Variants in SRCIN1 observed in about 807,000 individuals in gnomAD.
SRCIN1 encodes the protein P130Cas-associated protein.
A neutral mutation model predicts 116.2 loss-of-function variants in SRCIN1; 50 were observed. The ratio of observed to expected loss-of-function variants is 0.43; its 90% confidence interval spans 0.34 to 0.54. The LOEUF (loss-of-function observed/expected upper bound fraction) is 0.54, where lower values mean the gene tolerates loss of function less well. Among genes scored for constraint, SRCIN1 ranks in the 20% least tolerant of loss-of-function variants. SRCIN1 has a pLI of 0.02. For synonymous variants in SRCIN1, 736 were observed against 750.0 expected, an observed-to-expected ratio of 0.98 and a Z score of 0.30; for missense variants, 1,446 against 1,672.0, an observed-to-expected ratio of 0.86 and a Z score of 2.36.
At position 38,552,598 on chromosome 17, in the gene SRCIN1, A is replaced by G; in HGVS notation, c.2333-4T>C. 2 of 1,612,492 alleles carry G rather than the reference A, an allele frequency of 1.2e-6. No homozygotes were observed. Among genetic ancestry groups the G allele is most frequent in the Non-Finnish European group, 1.7e-6 (2 of 1,179,634 alleles). On this transcript the variant is annotated splice_polypyrimidine_tract_variant and splice_region_variant and intron_variant, in intron 12 of 18. Transcript: ENST00000617146. This position sits in a 1 kb window ranked among gnomAD's most constrained non-coding sequence, Gnocchi z 5.3. ...CTCTGCAGGCCCGGGAAGTGAGCTG[A>G]GGAGACAGGAAGGCATGAGCTGGGG...
intron 1 of SRCIN1, among the ~76,000 whole-genome samples, chr17:38,584,797 T>C (rs573517622): frequency 2.0e-5 from 3 of 152,126 alleles, no homozygotes; most frequent in African/African-American, 7.2e-5. Flanking sequence ...TGGCTGCCCC[T>C]GGGCAACATT....
chr17:38,571,951 T>C (rs1030670230), intron 2 of SRCIN1, among the ~76,000 whole-genome samples: 7 of 151,952 alleles, frequency 4.6e-5, no homozygotes, highest in Non-Finnish European at 8.8e-5. Context: ...CTGCTGGTTT[T>C]CCCCCCCTCG....
chr17:38,571,040 G>T (rs955251304), intron 2 of SRCIN1, among the ~76,000 whole-genome samples: 20 of 152,344 alleles, frequency 1.3e-4, no homozygotes, highest in African/African-American at 4.8e-4. Context: ...CCAGGAACGA[G>T]ACACAGTCTC....
intron 2 of SRCIN1, among the ~76,000 whole-genome samples, chr17:38,570,417 G>A (rs1391924227): frequency 6.6e-6 from 1 of 152,156 alleles, no homozygotes; most frequent in African/African-American, 2.4e-5. Flanking sequence ...CACAGTGAGA[G>A]ACACACACCC....
At chr17:38,583,548 GTTTTTTTTTTT>G (rs10691272) in intron 1 of SRCIN1, among the ~76,000 whole-genome samples, 2 of 104,294 alleles carry the variant, frequency 1.9e-5, no homozygotes, top group Non-Finnish European at 3.9e-5. Context: ...TTCATTTTCT[GTTTTTTTTTTT>G]TTTTTTTTTT....
At chr17:38,549,519 A>G (rs1905261571) in intron 15 of SRCIN1, among the ~76,000 whole-genome samples, 1 of 152,142 alleles carries the variant, frequency 6.6e-6, no homozygotes, top group African/African-American at 2.4e-5. Flanking sequence ...CTGCTAAACC[A>G]GGATCTGGTT....
At chr17:38,557,586 G>T (rs540189225) in intron 11 of SRCIN1, among the ~76,000 whole-genome samples, 9 of 152,364 alleles carry the variant, frequency 5.9e-5, no homozygotes, top group African/African-American at 1.7e-4. Context: ...GCCAGACAAT[G>T]GAATGGTTGG....
chr17:38,563,304 C>T lies in SRCIN1; in HGVS notation c.740+19G>A, dbSNP rs1906411780. The T allele has an allele frequency of 2.6e-6, 4 of 1,560,934 alleles. No homozygotes were observed. Among genetic ancestry groups the T allele is most frequent in the South Asian group, 1.2e-5 (1 of 84,552 alleles). On this transcript the variant is annotated intron_variant, in intron 5 of 18. Coordinates refer to ENST00000617146, the MANE Select transcript of SRCIN1 (RefSeq NM_025248.3). This position sits in a 1 kb window ranked among gnomAD's most constrained non-coding sequence, Gnocchi z 5.8. ...GAGCGTGGGGAAGCCCACCCAAATC[C>T]CCCCCGGTCCACGCCCACCGGACGT...
Position 38,552,791 on chromosome 17 carries a change from C to T in SRCIN1, c.2266G>A (p.Gly756Ser), listed in dbSNP as rs376938284. ...AGTGCCTTCTCCTCCAGCTCAGGGC[C>T]GGGCACCAGCCGGTGGTTGTGGGAC... Reference protein sequence around the residue: ...DVSHNHRLVPGPELEEKALVL... With the variant: ...DVSHNHRLVPSPELEEKALVL... Residue 756 changes from glycine (G) to serine (S), a missense_variant, in exon 12 of 19, where the codon GGC becomes AGC. This residue lies in a region of SRCIN1 where 531 missense variants were observed against 633.9 expected (regional missense o/e 0.84). Transcript: ENST00000617146. This position sits in a 1 kb window ranked among gnomAD's most constrained non-coding sequence, Gnocchi z 5.3. The T allele has an allele frequency of 2.5e-4, 398 of 1,613,998 alleles. 1 individual carries two copies. Among genetic ancestry groups the T allele is most frequent in the South Asian group, 1.7e-3 (155 of 91,084 alleles).
intron 2 of SRCIN1, among the ~76,000 whole-genome samples, chr17:38,576,281 G>A (rs1007330780): frequency 6.6e-6 from 1 of 151,946 alleles, no homozygotes; most frequent in African/African-American, 2.4e-5. Context: ...ACCACACCAC[G>A]AGACACAAGC....
Position 38,540,770 on chromosome 17 carries a change from T to TGTGTGA in SRCIN1, c.3417+3052_3417+3053insTCACAC, listed in dbSNP as rs1555604854. 1.8e-3 allele frequency among the ~76,000 whole-genome samples: 268 copies of TGTGTGA among 145,084 alleles called. 3 individuals carry two copies. The highest frequency in any genetic ancestry group is 7.1e-3 in the African/African-American group (259 of 36,546). The stretch of plus-strand genomic sequence containing the variant: ...GTGTGTGTGTGTGTGTGTGTGTGTG[T>TGTGTGA]GTGACACACACAGAGACAATCAAAT... On this transcript the variant is annotated intron_variant, in intron 18 of 18. Coordinates refer to ENST00000617146, the MANE Select transcript of SRCIN1 (RefSeq NM_025248.3).
chr17:38,542,763 T>G (rs1904826642), intron 18 of SRCIN1: 1 of 224,704 alleles, frequency 4.5e-6, no homozygotes, highest in East Asian at 9.9e-5. Context: ...GATGCCACCT[T>G]GCTGTGCACC....
intron 14 of SRCIN1, 183 bp downstream of exon 14, chr17:38,551,703 C>A (rs530313196): frequency 2.2e-6 from 2 of 894,288 alleles, no homozygotes; most frequent in African/African-American, 1.7e-5. Context: ...CTTTATAATA[C>A]GCTTTCTGTC....
At chr17:38,575,387 C>CTCTG in intron 2 of SRCIN1, among the ~76,000 whole-genome samples, 1 of 152,208 alleles carries the variant, frequency 6.6e-6, no homozygotes, top group African/African-American at 2.4e-5. Context: ...GTAGCAAGGA[C>CTCTG]TACAGGGGCA....
In SRCIN1 at chr17:38,604,975, C is replaced by A. The variant is rs1909280329; in HGVS notation, c.22+709G>T. On this transcript the variant is annotated intron_variant, in intron 1 of 18. Transcript: ENST00000617146. The surrounding 1 kb of genome is among the most constrained non-coding windows in gnomAD (Gnocchi z 4.3). The stretch of plus-strand genomic sequence containing the variant: ...CTAAACCCCTCCCTCTCGTGGCCCT[C>A]CCTACCCGCTGGTAGAGCGGGGAGC... Among the ~76,000 whole-genome samples, 1 of 151,992 alleles carries A rather than the reference C, an allele frequency of 6.6e-6. No individual in the cohort carries two copies. Among genetic ancestry groups the A allele is most frequent in the Non-Finnish European group, 1.5e-5 (1 of 67,954 alleles).
chr17:38,565,552 A>T (rs1213602479), intron 3 of SRCIN1, among the ~76,000 whole-genome samples: 5 of 152,194 alleles, frequency 3.3e-5, no homozygotes, highest in Non-Finnish European at 5.9e-5. Context: ...TTTATAATTT[A>T]AAAAAAGACA....
At position 38,605,723 on chromosome 17, in the gene SRCIN1, G is replaced by GC. The variant is rs757603520; in HGVS notation, c.-19_-18insG. The GC allele has an allele frequency of 8.5e-7, 1 of 1,180,744 alleles. No individual in the cohort carries two copies. Among genetic ancestry groups the GC allele is most frequent in the African/African-American group, 1.6e-5 (1 of 61,528 alleles). The allele number at this position is 1,180,744 out of a possible 1,614,324, so 73.1% of individuals were successfully genotyped here. The stretch of plus-strand genomic sequence containing the variant: ...TTCCCCATCGGGCGGGGGCGCGGGG[G>GC]GCGGGGGCCCCGGGCCGGCCTGCCT... On this transcript the variant is annotated 5_prime_UTR_variant, in exon 1 of 19. Coordinates refer to ENST00000617146, the MANE Select transcript of SRCIN1 (RefSeq NM_025248.3).
chr17:38,590,615 A>C (rs1908388643), intron 1 of SRCIN1, among the ~76,000 whole-genome samples: 1 of 152,122 alleles, frequency 6.6e-6, no homozygotes, highest in Admixed American at 6.5e-5. Flanking sequence ...CTTCATTCTC[A>C]CAGTCACCTT....
chr17:38,594,442 T>C (rs1908608822), intron 1 of SRCIN1, among the ~76,000 whole-genome samples: 1 of 152,072 alleles, frequency 6.6e-6, no homozygotes, highest in Non-Finnish European at 1.5e-5. Flanking sequence ...TGTAGCTGAA[T>C]AGCAGTTCAG....
Sources: gnomAD v4.1 joint callset for allele counts (sites outside exome capture counted in the v4.1 genomes callset) on GRCh38, gnomAD v4.1.1 for gene constraint, gnomAD v4.1.1 regional missense constraint, Gnocchi (gnomAD v3.1) non-coding constraint, MANE v1.5 for transcripts, NCBI Gene and HGNC (gene_info 2026-07-23, HGNC 2026-07-21) for gene names.